Variants in FIZ1 observed in about 807,000 individuals in gnomAD.
The protein encoded by FIZ1 is FLT3 interacting zinc finger 1, also known as flt3-interacting zinc finger protein 1.
Under a neutral mutation model 5.3 loss-of-function variants are expected in FIZ1, and 2 were observed. That is an observed-to-expected ratio of 0.37 (90% confidence interval 0.15 to 1.18). The LOEUF is 1.18. FIZ1 is among the 50% of genes most tolerant of loss of function. FIZ1 has a pLI of 0.37. For synonymous variants in FIZ1, 407 were observed against 364.2 expected (o/e 1.12, Z -1.34); for missense variants, 631 against 749.7 (o/e 0.84, Z 1.85).
chr19:55,598,255 C>G, intron 1 of FIZ1: 1 of 224,402 alleles, frequency 4.5e-6, no homozygotes, highest in Non-Finnish European at 9.0e-6. Context: ...CCTTCAAAGT[C>G]CCCCACAATG....
chr19:55,592,254 G>T lies in FIZ1; in HGVS notation c.*196C>A. 1.6e-6 allele frequency: 1 copy of T among 613,766 alleles called. No individual in the cohort carries two copies. 38.0% of individuals were successfully genotyped at this position (613,766 alleles called of 1,614,324 possible). ...CCTGCCCCAGCTAAGGACCCTGTTT[G>T]TTTGTGGTCCCCCAGCTCCGGGGCC... On this transcript the variant is annotated 3_prime_UTR_variant, in exon 3 of 3. Coordinates refer to ENST00000221665, the MANE Select transcript of FIZ1 (RefSeq NM_032836.3). This position sits in a 1 kb window ranked among gnomAD's most constrained non-coding sequence, Gnocchi z 6.9.
chr19:55,593,181 C>A lies in FIZ1; in HGVS notation c.760G>T (p.Gly254Cys), dbSNP rs1336297841. The A allele has an allele frequency of 8.5e-7, 1 of 1,177,086 alleles. No individual in the cohort carries two copies. Among genetic ancestry groups the A allele is most frequent in the South Asian group, 2.4e-5 (1 of 41,562 alleles). The allele number at this position is 1,177,086 out of a possible 1,614,324, so 72.9% of individuals were successfully genotyped here. A position where few individuals can be genotyped will look rare whatever the true frequency, so the allele number is the denominator to read the frequency against. Residue 254 changes from glycine to cysteine, a missense_variant, in exon 3 of 3, where the codon GGC (glycine) becomes TGC (cysteine). Transcript: ENST00000221665. The surrounding 1 kb of genome is among the most constrained non-coding windows in gnomAD (Gnocchi z 6.3). The stretch of plus-strand genomic sequence containing the variant: ...GCCTGCGCTGGGGGCGCGCCCGGGC[C>A]CTGCAGGTCGTGCGTCAGCTTGTGC... ...ERHKLTHDLQ[G>C]PGAPPAQAWA...
intron 2 of FIZ1, among the ~76,000 whole-genome samples, chr19:55,594,369 A>C (rs1374779038): frequency 7.1e-6 from 1 of 140,438 alleles, no homozygotes; most frequent in Non-Finnish European, 1.5e-5. Flanking sequence ...ACTGCACTCT[A>C]GCCTGGGTGA....
Position 55,593,140 on chromosome 19 carries a change from T to C in FIZ1, c.801A>G (p.Pro267=), listed in dbSNP as rs1294668091. The C allele has an allele frequency of 8.3e-7, 1 of 1,202,810 alleles. No individual in the cohort carries two copies. The highest frequency in any genetic ancestry group is 1.0e-6 in the Non-Finnish European group (1 of 965,442). 74.5% of individuals were successfully genotyped at this position (1,202,810 alleles called of 1,614,324 possible). A position where few individuals can be genotyped will look rare whatever the true frequency, so the allele number is the denominator to read the frequency against. The change falls in exon 3 of 3, where the codon CCA becomes CCG. Residue 267 remains proline (P), a synonymous_variant. Transcript: ENST00000221665. This position sits in a 1 kb window ranked among gnomAD's most constrained non-coding sequence, Gnocchi z 6.3. ...CGCCCGCCGTCTCGGGCCCTGCGCC[T>C]GGCCCCGCGGCCCAGGCCTGCGCTG... ...APPAQAWAAG[P]GAGPETAGEG...
At position 55,592,826 on chromosome 19, in the gene FIZ1, G is replaced by A; in HGVS notation, c.1115C>T (p.Ala372Val). The change falls in exon 3 of 3, where the codon GCC (alanine) becomes GTC (valine). Residue 372 changes from alanine (A) to valine (V), a missense_variant. Transcript: ENST00000221665. The surrounding 1 kb of genome is among the most constrained non-coding windows in gnomAD (Gnocchi z 6.9). Reference sequence around the variant, plus strand: ...GCTGACCCGCCGGTGCTCCTCCAAGGCGGCCAGCGCCGCGTACAGAGCCCC... The same window carrying A: ...GCTGACCCGCCGGTGCTCCTCCAAGACGGCCAGCGCCGCGTACAGAGCCCC... ...HCGALYAALA[A>V]LEEHRRVSHG... 6.4e-7 allele frequency: 1 copy of A among 1,572,858 alleles called. No individual in the cohort carries two copies. Among genetic ancestry groups the A allele is most frequent in the Non-Finnish European group, 8.6e-7 (1 of 1,164,774 alleles).
At chr19:55,594,816 C>G (rs966795931) in intron 2 of FIZ1, among the ~76,000 whole-genome samples, 4 of 152,068 alleles carry the variant, frequency 2.6e-5, no homozygotes, top group African/African-American at 9.7e-5. Context: ...CCTTGTCAAG[C>G]CCTGCTATCC....
chr19:55,592,364 G>T lies in FIZ1; in HGVS notation c.*86C>A. On this transcript the variant is annotated 3_prime_UTR_variant, in exon 3 of 3. Transcript: ENST00000221665. The surrounding 1 kb of genome is among the most constrained non-coding windows in gnomAD (Gnocchi z 6.9). The stretch of plus-strand genomic sequence containing the variant: ...CGTCTGGATTTGGATTTGGAGGGCC[G>T]GGGCCTCACGCGCAGTCCCGAGGTC... 7.8e-7 allele frequency: 1 copy of T among 1,284,750 alleles called. No individual in the cohort carries two copies. Among genetic ancestry groups the T allele is most frequent in the Non-Finnish European group, 1.0e-6 (1 of 956,768 alleles). The allele number at this position is 1,284,750 out of a possible 1,614,324, so 79.6% of individuals were successfully genotyped here. A position where few individuals can be genotyped will look rare whatever the true frequency, so the allele number is the denominator to read the frequency against.
rs376358672 is a variant in FIZ1 at position 55,592,741 on chromosome 19, G to A, written c.1200C>T (p.Ser400=). The A allele has an allele frequency of 2.5e-6, 4 of 1,610,780 alleles. No individual in the cohort carries two copies. The highest frequency in any genetic ancestry group is 2.5e-6 in the Non-Finnish European group (3 of 1,179,268). ...ATAAREREPA[S]GEPPSGSGRG... is the part of the protein sequence containing the mutation. ...GGCCGGAGCCAGACGGGGGTTCCCC[G>A]GACGCCGGTTCCCTTTCCCGGGCGG... The change falls in exon 3 of 3, where the codon TCC becomes TCT. Residue 400 remains serine, a synonymous_variant. Transcript: ENST00000221665. This position sits in a 1 kb window ranked among gnomAD's most constrained non-coding sequence, Gnocchi z 6.9.
At position 55,593,750 on chromosome 19, in the gene FIZ1, C is replaced by CT; in HGVS notation, c.295-105dup. The stretch of plus-strand genomic sequence containing the variant: ...TTGTGGCACAAGCTCTCTGTCACAC[C>CT]TACAGGGCCATGATCTAGGGAAACG... On this transcript the variant is annotated intron_variant, in intron 2 of 2. Transcript: ENST00000221665. This position sits in a 1 kb window ranked among gnomAD's most constrained non-coding sequence, Gnocchi z 6.3. The CT allele has an allele frequency of 9.8e-7, 1 of 1,019,484 alleles. No homozygotes were observed. The highest frequency in any genetic ancestry group is 1.5e-6 in the Non-Finnish European group (1 of 676,306). The allele number at this position is 1,019,484 out of a possible 1,614,324, so 63.2% of individuals were successfully genotyped here.
chr19:55,593,057 A>G lies in FIZ1; in HGVS notation c.884T>C (p.Leu295Pro). 1 of 1,376,830 alleles carries G rather than the reference A, an allele frequency of 7.3e-7. No individual in the cohort carries two copies. The highest frequency in any genetic ancestry group is 9.3e-7 in the Non-Finnish European group (1 of 1,074,836). 85.3% of individuals were successfully genotyped at this position (1,376,830 alleles called of 1,614,324 possible). The change falls in exon 3 of 3, where the codon CTG (leucine) becomes CCG (proline). Residue 295 changes from leucine to proline, a missense_variant. Coordinates refer to ENST00000221665, the MANE Select transcript of FIZ1 (RefSeq NM_032836.3). This position sits in a 1 kb window ranked among gnomAD's most constrained non-coding sequence, Gnocchi z 6.3. ...APLASDRRLL[L>P]GPAGGGVPKL... ...GGGCACGCCGCCCCCCGCGGGGCCCAGGAGCAGCCTGCGGTCCGAAGCCAG... is the reference window on the plus strand; with the variant it reads ...GGGCACGCCGCCCCCCGCGGGGCCCGGGAGCAGCCTGCGGTCCGAAGCCAG...
In FIZ1 at chr19:55,593,127, C is replaced by A; in HGVS notation, c.814G>T (p.Glu272Ter). The A allele has an allele frequency of 8.0e-7, 1 of 1,243,270 alleles. No individual in the cohort carries two copies. Among genetic ancestry groups the A allele is most frequent in the South Asian group, 2.0e-5 (1 of 49,608 alleles). 77.0% of individuals were successfully genotyped at this position (1,243,270 alleles called of 1,614,324 possible). A position where few individuals can be genotyped will look rare whatever the true frequency, so the allele number is the denominator to read the frequency against. ...GCAGCGGTGCCTTCGCCCGCCGTCT[C>A]GGGCCCTGCGCCTGGCCCCGCGGCC... Reference protein sequence around the residue: ...AWAAGPGAGPETAGEGTAAEA... With the variant: ...AWAAGPGAGP The change falls in exon 3 of 3, where the codon GAG becomes TAG. Residue 272 changes from glutamate (E) to a stop codon, truncating the protein, a stop_gained. Coordinates refer to ENST00000221665, the MANE Select transcript of FIZ1 (RefSeq NM_032836.3). LOFTEE classifies it low-confidence loss of function (END_TRUNC). The surrounding 1 kb of genome is among the most constrained non-coding windows in gnomAD (Gnocchi z 6.3).
chr19:55,598,039 C>T (rs1980417985), intron 1 of FIZ1, 138 bp from the exon 2 acceptor site: 2 of 1,001,442 alleles, frequency 2.0e-6, no homozygotes, highest in African/African-American at 3.3e-5. Flanking sequence ...TCTCATTGTT[C>T]TTTAAAATCC....
rs747802752 is a variant in FIZ1, at chr19:55,597,559, C to G, written c.294+13G>C. The G allele has an allele frequency of 1.4e-5, 23 of 1,606,752 alleles. No homozygotes were observed. In the East Asian group the frequency reaches 4.9e-4, roughly 34 times the overall value. ...CCAGGGAGGCCAGCCTAGGGCCGGC[C>G]TGTGGGACTCACCTGGTGGTGCAGC... On this transcript the variant is annotated intron_variant, in intron 2 of 2. Transcript: ENST00000221665.
intron 1 of FIZ1, 125 bp from the exon 2 acceptor site, chr19:55,598,026 C>G (rs1033957896): frequency 5.9e-5 from 65 of 1,094,700 alleles, no homozygotes; most frequent in Non-Finnish European, 7.5e-5. Context: ...CTCTCTAAGC[C>G]ACTCTCATTG....
chr19:55,595,131 G>A (rs1980262965), intron 2 of FIZ1, among the ~76,000 whole-genome samples: 1 of 152,198 alleles, frequency 6.6e-6, no homozygotes, highest in Admixed American at 6.5e-5. Flanking sequence ...AGATTTGTGA[G>A]TATGGTAATG....
Position 55,597,589 on chromosome 19 carries a change from C to A in FIZ1, c.277G>T (p.Gly93Cys). The A allele has an allele frequency of 6.2e-7, 1 of 1,611,516 alleles. No individual in the cohort carries two copies. The highest frequency in any genetic ancestry group is 2.2e-5 in the East Asian group (1 of 44,868). The change falls in exon 2 of 3, where the codon GGC becomes TGC. Residue 93 changes from glycine (G) to cysteine (C), a missense_variant. Gly to Cys is a radical substitution (Grantham distance 159). Around this residue, in one of 4 missense-constraint regions of FIZ1, gnomAD observed 68 missense variants for 163.4 expected, o/e 0.42. Transcript: ENST00000221665. ...GGACTCACCTGGTGGTGCAGCAGGC[C>A]GGTGGAGTCGCGGAACCCCTTGGGG... ...ACPKGFRDST[G>C]LLHHQVVHTG...
intron 2 of FIZ1, among the ~76,000 whole-genome samples, chr19:55,594,116 C>T (rs1489474433): frequency 4.0e-5 from 6 of 151,688 alleles, no homozygotes; most frequent in Non-Finnish European, 7.4e-5. Context: ...CGACTGGGTG[C>T]GGTGGCTCAC....
At chr19:55,595,958 C>T (rs1205592848) in intron 2 of FIZ1, among the ~76,000 whole-genome samples, 3 of 152,236 alleles carry the variant, frequency 2.0e-5, no homozygotes, top group Non-Finnish European at 4.4e-5. Context: ...ACATCTCCCA[C>T]ATTTGACTCG....
chr19:55,597,055 A>G (rs565921326), intron 2 of FIZ1, among the ~76,000 whole-genome samples: 36 of 152,282 alleles, frequency 2.4e-4, no homozygotes, highest in African/African-American at 8.2e-4. Context: ...CTTCTTGTCT[A>G]CTTGGCTACT....
Sources: gnomAD v4.1 joint callset for allele counts (sites outside exome capture counted in the v4.1 genomes callset) on GRCh38, gnomAD v4.1.1 for gene constraint, gnomAD v4.1.1 regional missense constraint, Gnocchi (gnomAD v3.1) non-coding constraint, MANE v1.5 for transcripts, NCBI Gene and HGNC (gene_info 2026-07-23, HGNC 2026-07-21) for gene names.